The following CSMD1 variants were observed in gnomAD, a reference collection of about 807,000 sequenced individuals.
CSMD1 encodes CUB and Sushi multiple domains 1.
Under a neutral mutation model 417.5 loss-of-function variants are expected in CSMD1, and 213 were observed. That is an observed-to-expected ratio of 0.51 (90% confidence interval 0.46 to 0.57). The LOEUF (loss-of-function observed/expected upper bound fraction) is 0.57, where lower values mean the gene tolerates loss of function less well. Ranked by LOEUF, CSMD1 falls within the 20% of genes least tolerant of loss-of-function variation. CSMD1 has a pLI of 0.00. For synonymous variants in CSMD1, 2,862 were observed against 1,736.8 expected (o/e 1.65, Z -16.11); for missense variants, 6,923 against 4,529.7 (o/e 1.53, Z -15.17).
intron 5 of CSMD1, among the ~76,000 whole-genome samples, chr8:3,828,674 G>A (rs1802196004): frequency 6.6e-6 from 1 of 151,900 alleles, no homozygotes; most frequent in Admixed American, 6.6e-5. Flanking sequence ...ATCTTTCTAC[G>A]GACCTCTTTT....
At chr8:4,151,323 C>A (rs1266301523) in intron 3 of CSMD1, among the ~76,000 whole-genome samples, 2 of 152,156 alleles carry the variant, frequency 1.3e-5, no homozygotes, top group African/African-American at 2.4e-5. Context: ...AAGATCAATG[C>A]TTCAAGAGAT....
intron 41 of CSMD1, among the ~76,000 whole-genome samples, chr8:3,123,523 A>G (rs1055335934): frequency 5.9e-5 from 9 of 152,150 alleles, no homozygotes; most frequent in Non-Finnish European, 1.3e-4. Flanking sequence ...TTCATTTCTC[A>G]TTCTTGTTTT....
intron 5 of CSMD1, among the ~76,000 whole-genome samples, chr8:3,990,640 C>G (rs1480572939): frequency 6.6e-6 from 1 of 152,118 alleles, no homozygotes; most frequent in African/African-American, 2.4e-5. Flanking sequence ...ATTTACTTAA[C>G]CCGAATTAAA....
chr8:3,963,005 C>T (rs61651224), intron 5 of CSMD1, among the ~76,000 whole-genome samples: 2,139 of 152,184 alleles, frequency 0.014, 46 homozygotes, highest in African/African-American at 0.048. Context: ...GGAGCAATCT[C>T]GGCTCACTGC....
chr8:3,490,792 C>T (rs960556003), intron 11 of CSMD1, among the ~76,000 whole-genome samples: 11 of 152,092 alleles, frequency 7.2e-5, no homozygotes, highest in Non-Finnish European at 7.4e-5. Context: ...GTGTGTGCGA[C>T]GATCGCCTTA....
At chr8:4,478,708 C>T (rs1800934355) in intron 2 of CSMD1, among the ~76,000 whole-genome samples, 1 of 152,290 alleles carries the variant, frequency 6.6e-6, no homozygotes, top group Non-Finnish European at 1.5e-5. Flanking sequence ...ACTTGTAAAG[C>T]TGATTCTTCT....
At chr8:3,279,078 A>G (rs1044095608) in intron 26 of CSMD1, 9 of 152,256 alleles carry the variant, frequency 5.9e-5, no homozygotes, top group African/African-American at 2.2e-4. Context: ...GGTTCCCAGA[A>G]GTGGCAAGCT....
intron 1 of CSMD1, among the ~76,000 whole-genome samples, chr8:4,773,920 G>A (rs544715306): frequency 6.6e-6 from 1 of 152,208 alleles, no homozygotes; most frequent in African/African-American, 2.4e-5. Flanking sequence ...TCTTGGCTGG[G>A]TGCAGTGGCT....
chr8:3,886,006 T>C (rs1230722603), intron 5 of CSMD1, among the ~76,000 whole-genome samples: 1 of 151,982 alleles, frequency 6.6e-6, no homozygotes, highest in Non-Finnish European at 1.5e-5. Flanking sequence ...TGTGTACATA[T>C]ATATGTGTAC....
At chr8:4,523,220 C>T (rs1443053738) in intron 2 of CSMD1, among the ~76,000 whole-genome samples, 1 of 152,152 alleles carries the variant, frequency 6.6e-6, no homozygotes, top group Non-Finnish European at 1.5e-5. Flanking sequence ...TCACAGTCTT[C>T]TGTGGGAGCA....
At chr8:3,057,708 G>C (rs917013369) in intron 49 of CSMD1, among the ~76,000 whole-genome samples, 1 of 152,064 alleles carries the variant, frequency 6.6e-6, no homozygotes, top group African/African-American at 2.4e-5. Context: ...GTCATTAAAA[G>C]GCTGAGGCCT....
chr8:4,585,524 G>A (rs184499400), intron 2 of CSMD1, among the ~76,000 whole-genome samples: 1 of 152,156 alleles, frequency 6.6e-6, no homozygotes, highest in African/African-American at 2.4e-5. Context: ...GATAATGACA[G>A]ATAATTTACT....
rs183842739 is a variant in CSMD1 at position 4,031,642 on chromosome 8, T to C, written c.610+263A>G. On this transcript the variant is annotated intron_variant, in intron 4 of 69. Transcript: ENST00000635120. ...TGGTCCAAGCATGACTTTTCTCGTA[T>C]AACATGTAATATTATATATTATTAC... is the stretch of plus-strand genomic sequence containing the variant. Among the ~76,000 whole-genome samples the C allele has an allele frequency of 8.6e-4, 131 of 152,242 alleles. 1 individual carries two copies. Among genetic ancestry groups the C allele is most frequent in the African/African-American group, 3.1e-3 (129 of 41,576 alleles).
chr8:4,468,487 T>C (rs1800326351), intron 2 of CSMD1, among the ~76,000 whole-genome samples: 2 of 152,214 alleles, frequency 1.3e-5, no homozygotes, highest in African/African-American at 4.8e-5. Flanking sequence ...ACCAACTCAT[T>C]CTTATCCTCT....
Position 3,406,145 on chromosome 8 carries a change from C to T in CSMD1, c.2148G>A (p.Gly716=), listed in dbSNP as rs1233751836. 6.2e-7 allele frequency: 1 copy of T among 1,613,606 alleles called. No individual in the cohort carries two copies. The highest frequency in any genetic ancestry group is 1.7e-5 in the Admixed American group (1 of 59,968). The stretch of plus-strand genomic sequence containing the variant: ...CATCACAGTGGAAAGAAACCGAGCT[C>T]CCGAGTAGAAACCTGTCACCAAAAC... ...GRRFGDRFLL[G]SSVSFHCDDG... The change falls in exon 15 of 70, where the codon GGG becomes GGA. Residue 716 remains glycine, a synonymous_variant. Coordinates refer to ENST00000635120, the MANE Select transcript of CSMD1 (RefSeq NM_033225.6).
intron 7 of CSMD1, among the ~76,000 whole-genome samples, chr8:3,689,843 G>C (rs1035211815): frequency 6.6e-6 from 1 of 152,170 alleles, no homozygotes; most frequent in Non-Finnish European, 1.5e-5. Context: ...GGCTCAGAAA[G>C]AACATGAGCT....
At chr8:3,481,875 T>G (rs577082147) in intron 11 of CSMD1, among the ~76,000 whole-genome samples, 3 of 152,322 alleles carry the variant, frequency 2.0e-5, no homozygotes, top group Admixed American at 6.5e-5. Context: ...GACTTGGACT[T>G]CTGGTTTCCA....
At chr8:3,879,081 G>T (rs1393244673) in intron 5 of CSMD1, among the ~76,000 whole-genome samples, 1 of 152,064 alleles carries the variant, frequency 6.6e-6, no homozygotes, top group Non-Finnish European at 1.5e-5. Flanking sequence ...AGTTATTCTG[G>T]GGTACCCAAG....
chr8:3,134,099 GAGTT>G (rs1207682024), intron 41 of CSMD1, among the ~76,000 whole-genome samples: 2 of 152,066 alleles, frequency 1.3e-5, no homozygotes, highest in African/African-American at 4.8e-5. Context: ...TTGAACCAGG[GAGTT>G]AGAGGTTGCA....
Sources: gnomAD v4.1 joint callset for allele counts (sites outside exome capture counted in the v4.1 genomes callset) on GRCh38, gnomAD v4.1.1 for gene constraint, MANE v1.5 for transcripts, NCBI Gene and HGNC (gene_info 2026-07-23, HGNC 2026-07-21) for gene names.